SNX24: variants seen among roughly 807,000 people sequenced by gnomAD.
SNX24 encodes the protein sorting nexin-24.
SNX24 carries 22 observed loss-of-function variants against 28.7 expected under a neutral mutation model. The ratio of observed to expected loss-of-function variants is 0.77; its 90% CI spans 0.55 to 1.10. The LOEUF (loss-of-function observed/expected upper bound fraction) is 1.10. Ranked by LOEUF, SNX24 falls within the 50% of genes least tolerant of loss-of-function variation. SNX24 has a pLI of 0.00. For synonymous variants in SNX24, 69 were observed against 71.5 expected, an observed-to-expected ratio of 0.96 and a Z score of 0.18; for missense variants, 221 against 201.1, an observed-to-expected ratio of 1.10 and a Z score of -0.60.
At chr5:122,930,065 A>T (rs1316023054) in intron 1 of SNX24, among the ~76,000 whole-genome samples, 1 of 152,166 alleles carries the variant, frequency 6.6e-6, no homozygotes, top group Admixed American at 6.5e-5. Context: ...AATTTTGAAC[A>T]GGTTTTCTAT....
At chr5:122,896,829 T>TA in intron 1 of SNX24, among the ~76,000 whole-genome samples, 1 of 152,348 alleles carries the variant, frequency 6.6e-6, no homozygotes, top group South Asian at 2.1e-4. Flanking sequence ...ATGTGATTTT[T>TA]AAAAATTATC....
intron 5 of SNX24, among the ~76,000 whole-genome samples, chr5:123,024,274 A>G (rs1442458682): frequency 1.3e-5 from 2 of 152,232 alleles, no homozygotes; most frequent in Non-Finnish European, 2.9e-5. Flanking sequence ...CTTTTTAAAT[A>G]AGCATTTTAT....
intron 1 of SNX24, among the ~76,000 whole-genome samples, chr5:122,851,305 T>C (rs968838109): frequency 1.3e-5 from 2 of 151,894 alleles, no homozygotes; most frequent in African/African-American, 4.8e-5. Context: ...GCTGGGCCTA[T>C]AGGCACGAGC....
chr5:123,012,988 C>T (rs529635317), downstream of SNX24, among the ~76,000 whole-genome samples: 19 of 152,238 alleles, frequency 1.2e-4, no homozygotes, highest in Admixed American at 3.9e-4. Flanking sequence ...TATGACCCAC[C>T]CTTTAGCCAT....
At chr5:122,975,982 G>T (rs1483630852) in intron 3 of SNX24, among the ~76,000 whole-genome samples, 5 of 152,106 alleles carry the variant, frequency 3.3e-5, no homozygotes, top group African/African-American at 1.2e-4. Context: ...CGTGCTGTAT[G>T]TAAGGCATTT....
chr5:122,922,735 A>G (rs773353188), intron 1 of SNX24, among the ~76,000 whole-genome samples: 1 of 151,768 alleles, frequency 6.6e-6, no homozygotes, highest in Non-Finnish European at 1.5e-5. Flanking sequence ...ACTCGGCTTT[A>G]TTCTCCCCCT....
chr5:122,911,199 T>G (rs1484348585), intron 1 of SNX24, among the ~76,000 whole-genome samples: 6 of 152,250 alleles, frequency 3.9e-5, no homozygotes, highest in Non-Finnish European at 2.9e-5. Flanking sequence ...TGGTTTTGAT[T>G]TGCATTTCTC....
chr5:122,927,056 T>A (rs1581758132), intron 1 of SNX24, among the ~76,000 whole-genome samples: 1 of 152,348 alleles, frequency 6.6e-6, no homozygotes, highest in African/African-American at 2.4e-5. Context: ...TAGGTAGCAT[T>A]GTTTGGATTC....
chr5:122,969,852 C>T (rs1691529818), intron 3 of SNX24, among the ~76,000 whole-genome samples: 3 of 152,104 alleles, frequency 2.0e-5, no homozygotes. Flanking sequence ...TGCTTGTGGG[C>T]TTGCTTATTT....
chr5:123,011,747 G>C (rs946975566), downstream of SNX24, among the ~76,000 whole-genome samples: 2 of 152,212 alleles, frequency 1.3e-5, no homozygotes, highest in Non-Finnish European at 2.9e-5. Context: ...AATGGTTGCA[G>C]CCTCTGTGGG....
intron 3 of SNX24, among the ~76,000 whole-genome samples, chr5:122,952,584 A>T (rs185922382): frequency 6.6e-6 from 1 of 152,366 alleles, no homozygotes; most frequent in East Asian, 1.9e-4. Flanking sequence ...CTTCAGTGTG[A>T]TCTGATGATA....
intron 1 of SNX24, among the ~76,000 whole-genome samples, chr5:122,903,852 G>T (rs1757539321): frequency 6.6e-6 from 1 of 151,870 alleles, no homozygotes; most frequent in Non-Finnish European, 1.5e-5. Flanking sequence ...CCTTTTATTG[G>T]TGGACTACTT....
intron 3 of SNX24, among the ~76,000 whole-genome samples, chr5:122,954,195 C>A (rs939870798): frequency 1.0e-4 from 15 of 146,980 alleles, no homozygotes; most frequent in African/African-American, 3.6e-4. Flanking sequence ...CTTTCTCTCT[C>A]TCTATATATA....
intron 3 of SNX24, among the ~76,000 whole-genome samples, chr5:122,953,650 G>T (rs757734848): frequency 2.0e-5 from 3 of 152,138 alleles, no homozygotes; most frequent in African/African-American, 7.2e-5. Context: ...GTAAACTGGC[G>T]TAATATTTAG....
chr5:122,922,879 A>T (rs1758501185), intron 1 of SNX24, among the ~76,000 whole-genome samples: 1 of 152,196 alleles, frequency 6.6e-6, no homozygotes, highest in Non-Finnish European at 1.5e-5. Flanking sequence ...CTTCAGTGAT[A>T]GACTTCAGAC....
At chr5:122,906,521 G>C (rs750352940) in intron 1 of SNX24, among the ~76,000 whole-genome samples, 7 of 152,094 alleles carry the variant, frequency 4.6e-5, no homozygotes, top group Non-Finnish European at 1.0e-4. Flanking sequence ...ATTTCCTTTT[G>C]TTTTGAGTGG....
chr5:122,847,032 G>A (rs1754670507), intron 1 of SNX24, among the ~76,000 whole-genome samples: 1 of 151,140 alleles, frequency 6.6e-6, no homozygotes, highest in Admixed American at 6.6e-5. Context: ...CTTCTCCCAG[G>A]TATCTCACTT....
chr5:122,955,059 C>A (rs1417139656), intron 3 of SNX24, among the ~76,000 whole-genome samples: 7 of 151,856 alleles, frequency 4.6e-5, no homozygotes, highest in African/African-American at 1.4e-4. Context: ...TCATTTTTCT[C>A]AGCCTATTTT....
At chr5:123,026,101 A>T (rs774422901) in intron 5 of SNX24, 1 of 719,814 alleles carries the variant, frequency 1.4e-6, no homozygotes, top group Non-Finnish European at 2.2e-6. Flanking sequence ...ATGTTCAAAC[A>T]TAAGCAGACA....
Sources: gnomAD v4.1 joint callset for allele counts (sites outside exome capture counted in the v4.1 genomes callset) on GRCh38, gnomAD v4.1.1 for gene constraint, MANE v1.5 for transcripts, NCBI Gene and HGNC (gene_info 2026-07-23, HGNC 2026-07-21) for gene names.